SNX29: variants seen among roughly 807,000 people sequenced by gnomAD.
SNX29 encodes sorting nexin-29.
A neutral mutation model predicts 102.1 loss-of-function variants in SNX29; 78 were observed. That is an observed-to-expected ratio of 0.76 (90% CI 0.64 to 0.92). SNX29 has a LOEUF of 0.92. Ranked by LOEUF, SNX29 falls within the 40% of genes least tolerant of loss-of-function variation. The pLI is 0.00. For synonymous variants in SNX29, 580 were observed against 414.5 expected (o/e 1.40, Z -4.85); for missense variants, 1,280 against 1,061.7 (o/e 1.21, Z -2.86).
intron 8 of SNX29, among the ~76,000 whole-genome samples, chr16:12,058,912 C>A (rs767236155): frequency 6.6e-6 from 1 of 151,312 alleles, no homozygotes; most frequent in Non-Finnish European, 1.5e-5. Flanking sequence ...CCCACCTCAG[C>A]CCCTCCAGTA....
At chr16:12,475,908 C>T (rs568835781) in intron 18 of SNX29, among the ~76,000 whole-genome samples, 7 of 152,296 alleles carry the variant, frequency 4.6e-5, no homozygotes, top group Admixed American at 6.5e-5. Context: ...TTGCCCACCC[C>T]GATCTAGATA....
At chr16:12,139,824 T>G (rs1335159158) in intron 13 of SNX29, among the ~76,000 whole-genome samples, 1 of 151,168 alleles carries the variant, frequency 6.6e-6, no homozygotes, top group East Asian at 1.9e-4. Flanking sequence ...ACACAAAAAT[T>G]ACAAAAATTA....
In SNX29 at chr16:12,282,305, A is replaced by G. The variant is rs1175751108; in HGVS notation, c.1782+4269A>G. 2.0e-5 allele frequency among the ~76,000 whole-genome samples: 3 copies of G among 152,132 alleles called. No homozygotes were observed. In the East Asian group the frequency reaches 5.8e-4, roughly 29 times the overall value. ...AGTAGATAACAGCAACTGCAGCAAT[A>G]TCAGCCATTTGAGATGGCGCTGGTG... On this transcript the variant is annotated intron_variant, in intron 15 of 20. Coordinates refer to ENST00000566228, the MANE Select transcript of SNX29 (RefSeq NM_032167.5).
chr16:12,112,422 G>T (rs1439913321), intron 11 of SNX29, among the ~76,000 whole-genome samples: 2 of 152,218 alleles, frequency 1.3e-5, no homozygotes, highest in African/African-American at 4.8e-5. Context: ...GGCTGCTGAG[G>T]TGGAGATCTG....
At chr16:12,155,481 A>G (rs1240619126) in intron 13 of SNX29, among the ~76,000 whole-genome samples, 1 of 152,008 alleles carries the variant, frequency 6.6e-6, no homozygotes, top group East Asian at 1.9e-4. Context: ...TGGTTAAAGG[A>G]CCCTGGACTC....
chr16:12,370,758 G>A (rs2082652641), intron 16 of SNX29, among the ~76,000 whole-genome samples: 1 of 152,160 alleles, frequency 6.6e-6, no homozygotes, highest in South Asian at 2.1e-4. Context: ...CATGGAGTTT[G>A]GTTCCCTGGC....
At chr16:12,249,191 C>A (rs1381845595) in intron 14 of SNX29, among the ~76,000 whole-genome samples, 2 of 152,160 alleles carry the variant, frequency 1.3e-5, no homozygotes, top group African/African-American at 4.8e-5. Flanking sequence ...ATGTCTGAGG[C>A]CTCAGCTCAT....
intron 19 of SNX29, among the ~76,000 whole-genome samples, chr16:12,504,286 C>T (rs1455844214): frequency 2.0e-5 from 3 of 152,150 alleles, no homozygotes; most frequent in African/African-American, 7.2e-5. Flanking sequence ...CCTTTAAAGT[C>T]TCAAATTCAG....
At chr16:12,200,608 A>G (rs1483691028) in intron 14 of SNX29, among the ~76,000 whole-genome samples, 1 of 151,978 alleles carries the variant, frequency 6.6e-6, no homozygotes, top group Non-Finnish European at 1.5e-5. Flanking sequence ...TCAGCCTCCC[A>G]AATAGCTGGG....
intron 20 of SNX29, among the ~76,000 whole-genome samples, chr16:12,532,955 C>T (rs1017473802): frequency 5.9e-5 from 9 of 152,226 alleles, no homozygotes; most frequent in Admixed American, 3.3e-4. Flanking sequence ...GCTGCGGACC[C>T]AGGGAGCGGG....
At chr16:12,545,205 G>T (rs774963003) in intron 20 of SNX29, among the ~76,000 whole-genome samples, 1 of 152,188 alleles carries the variant, frequency 6.6e-6, no homozygotes, top group African/African-American at 2.4e-5. Flanking sequence ...AAAAAGGAAG[G>T]GGTGGGGCAG....
At chr16:12,406,609 A>C (rs1287183889) in intron 18 of SNX29, among the ~76,000 whole-genome samples, 1 of 151,732 alleles carries the variant, frequency 6.6e-6, no homozygotes, top group Non-Finnish European at 1.5e-5. Context: ...GATTTATATT[A>C]ATTAAAATGA....
intron 7 of SNX29, among the ~76,000 whole-genome samples, chr16:12,049,218 G>T (rs956071941): frequency 2.0e-5 from 3 of 152,182 alleles, no homozygotes; most frequent in African/African-American, 7.2e-5. Flanking sequence ...GCCGGTCGTG[G>T]TGGCTCATGC....
In SNX29 at chr16:12,229,653, T is replaced by C. The variant is rs192079766; in HGVS notation, c.1678+29970T>C. 2.1e-3 allele frequency among the ~76,000 whole-genome samples: 318 copies of C among 152,122 alleles called. 2 individuals carry two copies. Among genetic ancestry groups the C allele is most frequent in the African/African-American group, 7.3e-3 (301 of 41,468 alleles). On this transcript the variant is annotated intron_variant, in intron 14 of 20. Coordinates refer to ENST00000566228, the MANE Select transcript of SNX29 (RefSeq NM_032167.5). ...TTAAAGAAAAATCAAGGAAGATAAG[T>C]TCCTGCATTCTTCAAAGATCTACCG...
intron 20 of SNX29, among the ~76,000 whole-genome samples, chr16:12,565,875 A>G (rs543701373): frequency 8.7e-4 from 132 of 152,266 alleles, no homozygotes; most frequent in Non-Finnish European, 1.5e-3. Flanking sequence ...CCTGCTCAGA[A>G]CAACCTGAGT....
chr16:12,382,341 A>G (rs1183771152), intron 16 of SNX29, among the ~76,000 whole-genome samples: 1 of 152,150 alleles, frequency 6.6e-6, no homozygotes, highest in African/African-American at 2.4e-5. Context: ...CCCCACAGCC[A>G]TGGTCTTGTA....
intron 18 of SNX29, among the ~76,000 whole-genome samples, chr16:12,459,540 G>C (rs553373617): frequency 6.6e-6 from 1 of 152,174 alleles, no homozygotes; most frequent in Non-Finnish European, 1.5e-5. Context: ...ACCACTGTTC[G>C]CACGGAGGCT....
At chr16:12,516,069 C>A (rs755891123) in intron 19 of SNX29, among the ~76,000 whole-genome samples, 1 of 152,170 alleles carries the variant, frequency 6.6e-6, no homozygotes, top group Non-Finnish European at 1.5e-5. Flanking sequence ...ACTCCCATTA[C>A]CTTACATTAA....
chr16:12,480,399 C>A (rs1264801812), intron 19 of SNX29, among the ~76,000 whole-genome samples: 1 of 152,194 alleles, frequency 6.6e-6, no homozygotes, highest in Non-Finnish European at 1.5e-5. Context: ...TCATCATAGT[C>A]ACATTTTTCT....
Sources: allele counts gnomAD v4.1 joint callset (sites outside exome capture counted in the v4.1 genomes callset), GRCh38; gene constraint gnomAD v4.1.1; transcripts MANE v1.5; gene names NCBI Gene and HGNC (gene_info 2026-07-23, HGNC 2026-07-21).